Variants in PIGN observed in about 807,000 individuals in gnomAD.
PIGN encodes the protein phosphatidylinositol glycan anchor biosynthesis class N, also known as GPI ethanolamine phosphate transferase 1.
In PIGN, 117 loss-of-function variants were observed where a neutral mutation model predicts 125.4. The observed-to-expected ratio is 0.93, with a 90% CI of 0.80 to 1.09. The LOEUF (loss-of-function observed/expected upper bound fraction) is 1.09, where lower values mean the gene tolerates loss of function less well. PIGN is among the 50% of genes least tolerant of loss of function. The probability of loss-of-function intolerance (pLI) is 0.00; values close to 1 mark genes in which losing one functional copy is unlikely to be tolerated. For synonymous variants in PIGN, 392 were observed against 377.8 expected (o/e 1.04, Z -0.44); for missense variants, 1,075 against 1,094.9 (o/e 0.98, Z 0.26).
intron 11 of PIGN, among the ~76,000 whole-genome samples, chr18:62,140,765 G>A (rs1472119021): frequency 6.6e-6 from 1 of 152,114 alleles, no homozygotes; most frequent in Non-Finnish European, 1.5e-5. Flanking sequence ...ACCATTTTAT[G>A]TAACAGTTTT....
chr18:62,031,816 G>A (rs547914484), intron 23 of PIGN, among the ~76,000 whole-genome samples: 1 of 152,270 alleles, frequency 6.6e-6, no homozygotes, highest in African/African-American at 2.4e-5. Context: ...ACCTCCCCAA[G>A]TGTACTCATT....
At chr18:62,173,813 C>T (rs2037420644) in intron 1 of PIGN, among the ~76,000 whole-genome samples, 1 of 152,172 alleles carries the variant, frequency 6.6e-6, no homozygotes, top group Admixed American at 6.5e-5. Flanking sequence ...TCTGCCAATT[C>T]AACCACCTAA....
At chr18:62,120,111 A>G in intron 14 of PIGN, among the ~76,000 whole-genome samples, 1 of 152,264 alleles carries the variant, frequency 6.6e-6, no homozygotes, top group East Asian at 1.9e-4. Flanking sequence ...ACATCTACAA[A>G]CCCCAAGCAA....
intron 30 of PIGN, among the ~76,000 whole-genome samples, chr18:62,051,541 G>A (rs1225950996): frequency 6.6e-6 from 1 of 152,026 alleles, no homozygotes; most frequent in Admixed American, 6.6e-5. Flanking sequence ...TGGGATTGGT[G>A]GTGATTTCCC....
At chr18:62,061,924 C>T (rs1205174377) in intron 30 of PIGN, among the ~76,000 whole-genome samples, 1 of 152,174 alleles carries the variant, frequency 6.6e-6, no homozygotes, top group Non-Finnish European at 1.5e-5. Context: ...TTTCCCCCTA[C>T]TTCCCCACCA....
In PIGN at chr18:62,113,185, CA is replaced by C; in HGVS notation, c.1382del (p.Leu461Ter). On this transcript the variant is annotated frameshift_variant, in exon 16 of 31. Coordinates refer to ENST00000640252, the MANE Select transcript of PIGN (RefSeq NM_176787.5). LOFTEE classifies it high-confidence loss of function. ...FVGWISYASL[L>X]IIKSHSNLIK... ...TAAGGTTGGAATGAGACTTGATGAT[CA>C]ACAAAGAGGCATAAGATATCCATCC... The C allele has an allele frequency of 1.2e-6, 2 of 1,612,388 alleles. No homozygotes were observed. The highest frequency in any genetic ancestry group is 8.5e-7 in the Non-Finnish European group (1 of 1,179,120).
intron 17 of PIGN, among the ~76,000 whole-genome samples, chr18:62,109,218 A>G (rs1325864977): frequency 6.6e-6 from 1 of 152,144 alleles, no homozygotes; most frequent in Admixed American, 6.6e-5. Context: ...AGTGTTTGAA[A>G]CTCACCAAAG....
intron 22 of PIGN, among the ~76,000 whole-genome samples, chr18:62,099,586 C>T (rs2034355721): frequency 6.6e-6 from 1 of 151,882 alleles, no homozygotes; most frequent in Non-Finnish European, 1.5e-5. Context: ...TATAGTAACC[C>T]AAACAGCATG....
intron 23 of PIGN, among the ~76,000 whole-genome samples, chr18:62,032,324 C>T (rs986771512): frequency 1.3e-5 from 2 of 152,218 alleles, no homozygotes; most frequent in Non-Finnish European, 2.9e-5. Flanking sequence ...CCAATATTTA[C>T]TTCCATCCTT....
intron 23 of PIGN, among the ~76,000 whole-genome samples, chr18:62,091,428 C>G (rs1032343849): frequency 2.0e-5 from 3 of 152,072 alleles, no homozygotes; most frequent in African/African-American, 7.2e-5. Flanking sequence ...TCTGGAAGAC[C>G]ATCTGATACT....
At chr18:62,146,563 C>T (rs2036335190) in intron 9 of PIGN, among the ~76,000 whole-genome samples, 1 of 152,172 alleles carries the variant, frequency 6.6e-6, no homozygotes, top group South Asian at 2.1e-4. Flanking sequence ...TTATTTTGTT[C>T]TCTGTGCACA....
chr18:62,158,440 C>T (rs1027344810), intron 4 of PIGN, among the ~76,000 whole-genome samples: 2 of 151,872 alleles, frequency 1.3e-5, no homozygotes, highest in African/African-American at 2.4e-5. Flanking sequence ...AAAATGGCTA[C>T]ACTCCTAATT....
intron 1 of PIGN, among the ~76,000 whole-genome samples, chr18:62,173,668 T>C (rs2037415897): frequency 6.6e-6 from 1 of 152,180 alleles, no homozygotes; most frequent in African/African-American, 2.4e-5. Flanking sequence ...ATAAAAATGG[T>C]TGTGAGGATT....
chr18:62,095,903 G>A lies in PIGN; in HGVS notation c.2125C>T (p.Arg709Ter), dbSNP rs1320676598. The A allele has an allele frequency of 1.1e-5, 17 of 1,612,938 alleles. No homozygotes were observed. Among genetic ancestry groups the A allele is most frequent in the South Asian group, 7.7e-5 (7 of 91,012 alleles). ...PLLSSPVLFQ[R>*]LFSILLSLMS... ...AATGAAAGAAGTATGCTGAACAATC[G>A]CTGAAAGAGAACTGGAGAACTCAGT... The change falls in exon 23 of 31, where the codon CGA (arginine) becomes TGA (stop). Residue 709 changes from arginine (R) to a stop codon, truncating the protein, a stop_gained. Coordinates refer to ENST00000640252, the MANE Select transcript of PIGN (RefSeq NM_176787.5). LOFTEE classifies it high-confidence loss of function.
intron 23 of PIGN, among the ~76,000 whole-genome samples, chr18:62,094,116 T>A (rs1300056475): frequency 4.6e-5 from 7 of 152,160 alleles, no homozygotes; most frequent in Admixed American, 3.3e-4. Context: ...CCTATGACTA[T>A]TAAATTGATG....
Position 62,172,189 on chromosome 18 carries a change from G to C in PIGN, c.-235-8533C>G, listed in dbSNP as rs139107956. Reference sequence around the variant, plus strand: ...TCTATTACTTCTTAAGTAAGCTTTCGTAGTTTTTAAGGAATTTATCCATTT... The same window carrying C: ...TCTATTACTTCTTAAGTAAGCTTTCCTAGTTTTTAAGGAATTTATCCATTT... On this transcript the variant is annotated intron_variant, in intron 1 of 30. Transcript: ENST00000640252. Among the ~76,000 whole-genome samples, 6 of 152,072 alleles carry C rather than the reference G, an allele frequency of 3.9e-5. No individual in the cohort carries two copies. The East Asian group carries it at 1.2e-3, about 29-fold the overall frequency.
chr18:62,095,312 G>A (rs2034133734), intron 23 of PIGN, among the ~76,000 whole-genome samples: 1 of 152,042 alleles, frequency 6.6e-6, no homozygotes, highest in Non-Finnish European at 1.5e-5. Flanking sequence ...AAATGCTTTG[G>A]GATTTACCCC....
intron 27 of PIGN, 115 bp from the exon 28 acceptor site, chr18:62,082,861 T>C: frequency 1.6e-6 from 1 of 633,832 alleles, no homozygotes; most frequent in South Asian, 2.0e-5. Flanking sequence ...AACTTTTATA[T>C]ATACTAGTGA....
chr18:62,056,204 A>T (rs558533446), intron 30 of PIGN, among the ~76,000 whole-genome samples: 14 of 151,776 alleles, frequency 9.2e-5, no homozygotes, highest in Admixed American at 8.5e-4. Context: ...TACAAAACTA[A>T]AGTAAAACTC....
Sources: gnomAD v4.1 joint callset for allele counts (sites outside exome capture counted in the v4.1 genomes callset) on GRCh38, gnomAD v4.1.1 for gene constraint, MANE v1.5 for transcripts, NCBI Gene and HGNC (gene_info 2026-07-23, HGNC 2026-07-21) for gene names.